Variants in COP1 observed in about 807,000 individuals in gnomAD.
COP1 encodes the protein E3 ubiquitin-protein ligase COP1.
In COP1, 24 loss-of-function variants were observed where a neutral mutation model predicts 101.3. That is an observed-to-expected ratio of 0.24 (90% CI 0.17 to 0.33). The LOEUF is 0.33. COP1 is among the 10% of genes least tolerant of loss of function. COP1 has a pLI of 1.00. For synonymous variants in COP1, 347 were observed against 341.9 expected (o/e 1.01, Z -0.17); for missense variants, 663 against 906.2 (o/e 0.73, Z 3.45).
chr1:176,040,431 C>T (rs1670316670), intron 14 of COP1, among the ~76,000 whole-genome samples: 1 of 152,006 alleles, frequency 6.6e-6, no homozygotes, highest in Non-Finnish European at 1.5e-5. Context: ...GATCCTCCTG[C>T]CCCAGTTTCC....
chr1:176,151,390 AAAGAAAGAAAG>A (rs1205528256), intron 5 of COP1, among the ~76,000 whole-genome samples: 10 of 148,126 alleles, frequency 6.8e-5, no homozygotes, highest in African/African-American at 2.2e-4. Context: ...AGAAAGAAAG[AAAGAAAGAAAG>A]AAAGAAAGAA....
At chr1:176,075,012 A>C (rs1258407921) in intron 11 of COP1, among the ~76,000 whole-genome samples, 1 of 152,182 alleles carries the variant, frequency 6.6e-6, no homozygotes, top group Non-Finnish European at 1.5e-5. Context: ...ACTGTTTCAT[A>C]AACTATTCTT....
chr1:176,191,553 T>C (rs1057171513), intron 1 of COP1, among the ~76,000 whole-genome samples: 2 of 151,582 alleles, frequency 1.3e-5, no homozygotes, highest in African/African-American at 4.8e-5. Context: ...TGGCCCCAAG[T>C]ATATTCAGGA....
chr1:175,951,447 TATATATATATATATAA>T (rs1360698019), intron 18 of COP1, among the ~76,000 whole-genome samples: 2 of 89,822 alleles, frequency 2.2e-5, no homozygotes, highest in Non-Finnish European at 5.0e-5. Context: ...AATATATATA[TATATATATATATATAA>T]AAACTTCCAT....
chr1:176,175,450 G>T (rs1001407656), intron 3 of COP1, among the ~76,000 whole-genome samples: 1 of 152,200 alleles, frequency 6.6e-6, no homozygotes, highest in Non-Finnish European at 1.5e-5. Context: ...TTCCACCTCA[G>T]ATTATCAGGC....
At chr1:176,062,576 C>A (rs533073501) in intron 11 of COP1, among the ~76,000 whole-genome samples, 2 of 152,252 alleles carry the variant, frequency 1.3e-5, no homozygotes, top group South Asian at 4.1e-4. Context: ...ATCATTTTGG[C>A]AGCTTCTTAA....
chr1:176,184,601 A>T (rs1232232356), intron 2 of COP1, 32 bp downstream of exon 2: 1 of 1,527,332 alleles, frequency 6.5e-7, no homozygotes, highest in Non-Finnish European at 8.9e-7. Context: ...TAAAATGTTA[A>T]AAGATTATTT....
chr1:176,015,586 GA>G (rs917499669), intron 15 of COP1, among the ~76,000 whole-genome samples: 1 of 151,868 alleles, frequency 6.6e-6, no homozygotes, highest in African/African-American at 2.4e-5. Context: ...AACCAAGGAG[GA>G]AAAAAAAGTT....
At chr1:176,177,672 T>G (rs1355933141) in intron 2 of COP1, among the ~76,000 whole-genome samples, 1 of 152,170 alleles carries the variant, frequency 6.6e-6, no homozygotes, top group Non-Finnish European at 1.5e-5. Flanking sequence ...ACAGAGAAAG[T>G]ACCTCTTTTA....
intron 9 of COP1, among the ~76,000 whole-genome samples, chr1:176,111,504 A>G (rs1685285272): frequency 6.6e-6 from 1 of 152,108 alleles, no homozygotes; most frequent in African/African-American, 2.4e-5. Context: ...CGTGTTGGCC[A>G]GGATGGTTTC....
At chr1:176,136,851 G>C (rs1014096386) in intron 6 of COP1, among the ~76,000 whole-genome samples, 7 of 151,898 alleles carry the variant, frequency 4.6e-5, no homozygotes, top group African/African-American at 1.7e-4. Flanking sequence ...GATAGCCAAA[G>C]AACTTTCACA....
intron 15 of COP1, among the ~76,000 whole-genome samples, chr1:176,008,627 T>C (rs1355599064): frequency 6.6e-6 from 1 of 152,204 alleles, no homozygotes; most frequent in Non-Finnish European, 1.5e-5. Flanking sequence ...TTTTTCTTGT[T>C]TGTGTATACC....
chr1:176,114,574 A>G (rs1685858133), intron 9 of COP1, among the ~76,000 whole-genome samples: 1 of 145,774 alleles, frequency 6.9e-6, no homozygotes, highest in African/African-American at 2.5e-5. Flanking sequence ...ATATTAGGGT[A>G]ATTCTTTTTT....
At chr1:176,119,807 T>C (rs1157787903) in intron 8 of COP1, among the ~76,000 whole-genome samples, 2 of 152,196 alleles carry the variant, frequency 1.3e-5, no homozygotes, top group Non-Finnish European at 2.9e-5. Flanking sequence ...CGGTTTACTA[T>C]GCACTAACCT....
rs764779434 is a variant in COP1 at position 176,081,293 on chromosome 1, T to TG, written c.1142-7dup. 2.7e-6 allele frequency: 4 copies of TG among 1,487,298 alleles called. No individual in the cohort carries two copies. The African/African-American group carries it at 6.3e-5, about 23-fold the overall frequency. 92.1% of individuals were successfully genotyped at this position (1,487,298 alleles called of 1,614,324 possible). A position where few individuals can be genotyped will look rare whatever the true frequency, so the allele number is the denominator to read the frequency against. ...GCTTGCAGTTCGACTGTCATCTATA[T>TG]GAAAAAAAAAAAAAAAAGACAAAAC... On this transcript the variant is annotated splice_region_variant and splice_polypyrimidine_tract_variant and intron_variant, in intron 10 of 19. Coordinates refer to ENST00000367669, the MANE Select transcript of COP1 (RefSeq NM_022457.7).
intron 1 of COP1, among the ~76,000 whole-genome samples, chr1:176,195,339 T>C (rs911212032): frequency 6.6e-6 from 1 of 152,174 alleles, no homozygotes; most frequent in Non-Finnish European, 1.5e-5. Context: ...AAGCAAAAGC[T>C]GAGAAAACTA....
intron 9 of COP1, among the ~76,000 whole-genome samples, chr1:176,104,209 T>A (rs928856682): frequency 6.6e-6 from 1 of 152,268 alleles, no homozygotes; most frequent in Admixed American, 6.5e-5. Context: ...ATTGAGAATT[T>A]AAATGTAAAA....
chr1:175,949,987 T>C (rs575770575), intron 18 of COP1, among the ~76,000 whole-genome samples: 1 of 152,080 alleles, frequency 6.6e-6, no homozygotes, highest in African/African-American at 2.4e-5. Flanking sequence ...AGCCCCAATA[T>C]AAATAAGATA....
At chr1:176,138,056 A>T (rs1451075706) in intron 6 of COP1, among the ~76,000 whole-genome samples, 3 of 152,190 alleles carry the variant, frequency 2.0e-5, no homozygotes, top group Non-Finnish European at 4.4e-5. Flanking sequence ...GAAGAGGACT[A>T]GATAACTAAA....
Sources: allele counts gnomAD v4.1 joint callset (sites outside exome capture counted in the v4.1 genomes callset), GRCh38; gene constraint gnomAD v4.1.1; transcripts MANE v1.5; gene names NCBI Gene and HGNC (gene_info 2026-07-23, HGNC 2026-07-21).